The following SHB variants were observed in gnomAD, a reference collection of about 807,000 sequenced individuals.
The protein encoded by SHB is SH2 domain-containing adapter protein B.
A neutral mutation model predicts 52.3 loss-of-function variants in SHB; 20 were observed. That is an observed-to-expected ratio of 0.38 (90% CI 0.27 to 0.56). SHB has a LOEUF of 0.56. SHB is among the 20% of genes least tolerant of loss of function. The pLI is 0.71. For synonymous variants in SHB, 397 were observed against 316.5 expected (o/e 1.25, Z -2.70); for missense variants, 825 against 723.3 (o/e 1.14, Z -1.61).
At chr9:37,932,839 TC>T (rs1032449272) in intron 5 of SHB, among the ~76,000 whole-genome samples, 3 of 152,194 alleles carry the variant, frequency 2.0e-5, no homozygotes, top group African/African-American at 7.2e-5. Flanking sequence ...AGTCTTGAAC[TC>T]CCAGGCTCAA....
intron 5 of SHB, among the ~76,000 whole-genome samples, chr9:37,929,254 C>T (rs969661837): frequency 2.0e-5 from 3 of 152,244 alleles, no homozygotes; most frequent in Admixed American, 6.5e-5. Flanking sequence ...GAGGTGCCGC[C>T]GAGTATGCAG....
At chr9:38,022,377 G>A (rs1821292020) in intron 1 of SHB, among the ~76,000 whole-genome samples, 1 of 152,188 alleles carries the variant, frequency 6.6e-6, no homozygotes, top group Non-Finnish European at 1.5e-5. Context: ...TATTCACCTG[G>A]CTAAAAATGC....
chr9:38,012,649 AG>A (rs543993792), intron 2 of SHB, among the ~76,000 whole-genome samples: 45 of 151,902 alleles, frequency 3.0e-4, no homozygotes, highest in Admixed American at 1.1e-3. Flanking sequence ...GGGAAAACCG[AG>A]GTCCCTGGGT....
chr9:37,949,392 C>CAAAAAAAAAAAA (rs771495216), intron 4 of SHB, among the ~76,000 whole-genome samples: 5 of 50,250 alleles, frequency 1.0e-4, no homozygotes, highest in African/African-American at 1.4e-4. Context: ...GACTCCATCT[C>CAAAAAAAAAAAA]AAAAAAAAAA....
chr9:38,048,779 C>T (rs2094616), intron 1 of SHB, among the ~76,000 whole-genome samples: 152,255 of 152,356 alleles, frequency 1, 76,077 homozygotes, highest in Middle Eastern at 1. Context: ...ACGTTAGCCA[C>T]TTCCCATGGC....
At chr9:38,039,897 G>A (rs1477243327) in intron 1 of SHB, among the ~76,000 whole-genome samples, 2 of 152,242 alleles carry the variant, frequency 1.3e-5, no homozygotes, top group Non-Finnish European at 2.9e-5. Flanking sequence ...CAGGAGTCTG[G>A]CGGCCCATGC....
intron 3 of SHB, among the ~76,000 whole-genome samples, chr9:37,973,512 C>T (rs543293752): frequency 3.3e-5 from 5 of 152,320 alleles, no homozygotes; most frequent in African/African-American, 1.2e-4. Context: ...CGTGAGCCAC[C>T]GCGCCCGGCC....
chr9:38,012,323 A>G (rs1208912197), intron 2 of SHB, among the ~76,000 whole-genome samples: 1 of 152,248 alleles, frequency 6.6e-6, no homozygotes, highest in Admixed American at 6.5e-5. Context: ...CAGCCCCACA[A>G]CTGACTTACC....
intron 5 of SHB, among the ~76,000 whole-genome samples, chr9:37,921,928 A>G (rs1316814122): frequency 6.6e-6 from 1 of 152,250 alleles, no homozygotes; most frequent in African/African-American, 2.4e-5. Context: ...TCAGAGCCAC[A>G]TGCCCAGCTT....
chr9:38,053,499 A>C (rs1461910635), intron 1 of SHB, among the ~76,000 whole-genome samples: 1 of 152,126 alleles, frequency 6.6e-6, no homozygotes, highest in Admixed American at 6.5e-5. Context: ...AGTCTCCCAA[A>C]GTGCTGGGAT....
At chr9:37,990,871 G>C (rs921378184) in intron 2 of SHB, among the ~76,000 whole-genome samples, 1 of 152,178 alleles carries the variant, frequency 6.6e-6, no homozygotes, top group Non-Finnish European at 1.5e-5. Flanking sequence ...AAAGAATAAT[G>C]TTTGGCAGGA....
chr9:38,038,280 G>A (rs755595843), intron 1 of SHB, among the ~76,000 whole-genome samples: 48 of 152,264 alleles, frequency 3.2e-4, no homozygotes, highest in Non-Finnish European at 5.9e-4. Flanking sequence ...CACAAGGCAG[G>A]CCCTGTTCTA....
At chr9:38,036,639 G>A (rs1821491326) in intron 1 of SHB, among the ~76,000 whole-genome samples, 1 of 152,234 alleles carries the variant, frequency 6.6e-6, no homozygotes, top group Non-Finnish European at 1.5e-5. Context: ...CAGGAGCTCT[G>A]CTAGTGGAGA....
chr9:37,917,893 T>C lies in SHB; in HGVS notation c.*1928A>G, dbSNP rs1160323377. Among the ~76,000 whole-genome samples the C allele has an allele frequency of 6.6e-6, 1 of 152,212 alleles. No individual in the cohort carries two copies. Among genetic ancestry groups the C allele is most frequent in the East Asian group, 1.9e-4 (1 of 5,192 alleles). ...TGGGAGGAAGACCCAAGAGGCAGAC[T>C]GGTCACTAAAGGCGGGTCACCAAGG... is the stretch of plus-strand genomic sequence containing the variant. On this transcript the variant is annotated 3_prime_UTR_variant, in exon 6 of 6. Transcript: ENST00000377707.
intron 2 of SHB, among the ~76,000 whole-genome samples, chr9:37,981,792 G>C (rs993913013): frequency 2.0e-5 from 3 of 152,146 alleles, no homozygotes; most frequent in African/African-American, 7.2e-5. Flanking sequence ...TTACAGAATA[G>C]AGAGGCCCAA....
At chr9:37,922,887 C>T (rs1323201138) in intron 5 of SHB, among the ~76,000 whole-genome samples, 3 of 152,162 alleles carry the variant, frequency 2.0e-5, no homozygotes, top group Non-Finnish European at 4.4e-5. Flanking sequence ...ATCCTGGATT[C>T]CACATGTGCA....
At chr9:37,964,888 T>C (rs1450747979) in intron 3 of SHB, among the ~76,000 whole-genome samples, 1 of 152,284 alleles carries the variant, frequency 6.6e-6, no homozygotes, top group East Asian at 1.9e-4. Context: ...CAGATACCCC[T>C]GGCCCCAGCA....
chr9:38,044,489 A>C (rs1821622283), intron 1 of SHB, among the ~76,000 whole-genome samples: 1 of 152,242 alleles, frequency 6.6e-6, no homozygotes, highest in Non-Finnish European at 1.5e-5. Flanking sequence ...TTTGCAGATC[A>C]CACACAAGTC....
intron 2 of SHB, among the ~76,000 whole-genome samples, chr9:37,979,410 T>A (rs954590990): frequency 1.3e-5 from 2 of 152,124 alleles, no homozygotes. Context: ...AGAATTTGCC[T>A]GGGCCCATTC....
Sources: gnomAD v4.1 joint callset for allele counts (sites outside exome capture counted in the v4.1 genomes callset) on GRCh38, gnomAD v4.1.1 for gene constraint, MANE v1.5 for transcripts, NCBI Gene and HGNC (gene_info 2026-07-23, HGNC 2026-07-21) for gene names.